ABTB3: variants seen among roughly 807,000 people sequenced by gnomAD.
ABTB3 encodes the protein ankyrin repeat- and BTB/POZ domain-containing protein 3.
At chr12:107,638,671 G>A in the ABTB3 span, among the ~76,000 whole-genome samples, 1 of 152,120 alleles carries the variant, frequency 6.6e-6, no homozygotes, top group African/African-American at 2.4e-5. Context: ...ATAGTATAAT[G>A]GTCAAGTTTA....
the ABTB3 span, among the ~76,000 whole-genome samples, chr12:107,461,596 C>T: frequency 8.1e-3 from 792 of 97,428 alleles, 8 homozygotes; most frequent in African/African-American, 0.03. Context: ...CGAATCCATT[C>T]GCAACCCCTT....
At chr12:107,543,867 T>C in the ABTB3 span, 1 of 1,423,636 alleles carries the variant, frequency 7.0e-7, no homozygotes, top group Non-Finnish European at 9.5e-7. Flanking sequence ...TCCACAGAGA[T>C]CTTCAGGTAC....
At chr12:107,518,216 A>T in the ABTB3 span, among the ~76,000 whole-genome samples, 3 of 152,160 alleles carry the variant, frequency 2.0e-5, no homozygotes, top group African/African-American at 7.2e-5. Flanking sequence ...TTCCTCAGGG[A>T]TCTAGAACTA....
At chr12:107,514,758 A>T in the ABTB3 span, among the ~76,000 whole-genome samples, 1 of 152,248 alleles carries the variant, frequency 6.6e-6, no homozygotes, top group Non-Finnish European at 1.5e-5. Context: ...TAATAGATCA[A>T]TTATAGATTT....
the ABTB3 span, among the ~76,000 whole-genome samples, chr12:107,597,134 C>T: frequency 6.6e-6 from 1 of 152,206 alleles, no homozygotes; most frequent in East Asian, 1.9e-4. Context: ...CCTCTACTCT[C>T]CTAGATATTC....
chr12:107,331,884 C>T, the ABTB3 span, among the ~76,000 whole-genome samples: 1 of 152,214 alleles, frequency 6.6e-6, no homozygotes, highest in African/African-American at 2.4e-5. Context: ...GGGCAGGGGC[C>T]TCCCCCCCGC....
At chr12:107,368,221 C>T in the ABTB3 span, among the ~76,000 whole-genome samples, 2 of 152,194 alleles carry the variant, frequency 1.3e-5, no homozygotes, top group Non-Finnish European at 2.9e-5. Flanking sequence ...GGAGCCTCCA[C>T]CATTCAACAC....
the ABTB3 span, chr12:107,319,991 C>T: frequency 3.2e-6 from 5 of 1,583,966 alleles, no homozygotes; most frequent in East Asian, 1.2e-4. Context: ...CGTGGAGACC[C>T]TGGAGCACAC....
chr12:107,488,004 C>T, the ABTB3 span, among the ~76,000 whole-genome samples: 1 of 151,596 alleles, frequency 6.6e-6, no homozygotes, highest in Non-Finnish European at 1.5e-5. Flanking sequence ...GGGGTGGGCT[C>T]TCAGTGTGGG....
chr12:107,616,030 C>G, the ABTB3 span, among the ~76,000 whole-genome samples: 2 of 152,052 alleles, frequency 1.3e-5, no homozygotes, highest in Non-Finnish European at 2.9e-5. Flanking sequence ...TCATGAGAAT[C>G]CTTAGAACAG....
the ABTB3 span, among the ~76,000 whole-genome samples, chr12:107,448,789 C>T: frequency 6.6e-6 from 1 of 152,068 alleles, no homozygotes; most frequent in Non-Finnish European, 1.5e-5. Flanking sequence ...TACAGGCACC[C>T]ACCACACCTG....
the ABTB3 span, among the ~76,000 whole-genome samples, chr12:107,523,927 T>A: frequency 6.6e-6 from 1 of 152,128 alleles, no homozygotes. Flanking sequence ...ACACTGTCCC[T>A]AAGGTCTCAA....
chr12:107,430,222 G>A, the ABTB3 span, among the ~76,000 whole-genome samples: 5 of 152,058 alleles, frequency 3.3e-5, no homozygotes, highest in Non-Finnish European at 5.9e-5. Flanking sequence ...AAATCATAAT[G>A]TATTTACCCA....
the ABTB3 span, among the ~76,000 whole-genome samples, chr12:107,407,898 G>A: frequency 6.6e-5 from 10 of 152,014 alleles, no homozygotes; most frequent in African/African-American, 2.4e-4. Flanking sequence ...TATCGTATGG[G>A]ATTTTCCTCC....
chr12:107,562,881 CA>C, the ABTB3 span, among the ~76,000 whole-genome samples: 1 of 152,210 alleles, frequency 6.6e-6, no homozygotes, highest in Non-Finnish European at 1.5e-5. Context: ...GCCTTTTGGC[CA>C]GTGACACTTT....
the ABTB3 span, among the ~76,000 whole-genome samples, chr12:107,522,574 TC>T: frequency 6.6e-6 from 1 of 151,016 alleles, no homozygotes; most frequent in African/African-American, 2.4e-5. Flanking sequence ...TTTAATTGTC[TC>T]TCTCTCTCTC....
the ABTB3 span, among the ~76,000 whole-genome samples, chr12:107,546,612 T>C: frequency 0.46 from 70,611 of 152,056 alleles, 17,312 homozygotes; most frequent in East Asian, 0.65. Flanking sequence ...TTTAATAGTC[T>C]TCTGACCTTG....
At chr12:107,629,404 C>G in the ABTB3 span, among the ~76,000 whole-genome samples, 1 of 152,124 alleles carries the variant, frequency 6.6e-6, no homozygotes, top group African/African-American at 2.4e-5. Context: ...GCCTGGGCAA[C>G]AGGGAGAGAC....
the ABTB3 span, among the ~76,000 whole-genome samples, chr12:107,642,812 TCTC>T: frequency 6.9e-6 from 1 of 145,392 alleles, no homozygotes; most frequent in African/African-American, 2.5e-5. Flanking sequence ...CATGACCATT[TCTC>T]CTTCTGTTTG....
Sources: allele counts gnomAD v4.1 joint callset (sites outside exome capture counted in the v4.1 genomes callset), GRCh38; gene constraint gnomAD v4.1.1; transcripts MANE v1.5; gene names NCBI Gene and HGNC (gene_info 2026-07-23, HGNC 2026-07-21).